The following TMEM266 variants were observed in gnomAD, a reference collection of about 807,000 sequenced individuals.
TMEM266 encodes the protein Hv1 related protein 1.
A neutral mutation model predicts 50.5 loss-of-function variants in TMEM266; 33 were observed. The ratio of observed to expected loss-of-function variants is 0.65; its 90% confidence interval spans 0.50 to 0.87. The LOEUF (loss-of-function observed/expected upper bound fraction) is 0.87, where lower values mean the gene tolerates loss of function less well. Ranked by LOEUF, TMEM266 falls within the 40% of genes least tolerant of loss-of-function variation. The probability of loss-of-function intolerance (pLI) is 0.00; values close to 1 mark genes in which losing one functional copy is unlikely to be tolerated. For synonymous variants in TMEM266, 310 were observed against 292.3 expected (o/e 1.06, Z -0.62); for missense variants, 655 against 695.1 (o/e 0.94, Z 0.65).
rs376311119 is a variant in TMEM266, at chr15:76,171,001, C to T, written c.522C>T (p.Asp174=). 27 of 1,612,120 alleles carry T rather than the reference C, an allele frequency of 1.7e-5. No homozygotes were observed. Among genetic ancestry groups the T allele is most frequent in the Middle Eastern group, 1.7e-4 (1 of 5,720 alleles). The stretch of plus-strand genomic sequence containing the variant: ...TGGGCCTCCTCTCACAGGTGTTTGA[C>T]GGGGCTGTGATCATCCTATCTTTGG... The change falls in exon 7 of 11, where the codon GAC becomes GAT. Residue 174 remains aspartate, a synonymous_variant. Transcript: ENST00000388942.
intron 1 of TMEM266, among the ~76,000 whole-genome samples, chr15:76,106,815 A>G (rs2037087492): frequency 6.6e-6 from 1 of 152,196 alleles, no homozygotes; most frequent in African/African-American, 2.4e-5. Context: ...ATATGCATTT[A>G]CCTCACATAC....
intron 1 of TMEM266, among the ~76,000 whole-genome samples, chr15:76,102,620 C>T (rs559521224): frequency 6.6e-6 from 1 of 152,130 alleles, no homozygotes; most frequent in South Asian, 2.1e-4. Flanking sequence ...GGGTGGATCA[C>T]CTGAGGTCAG....
chr15:76,060,073 C>T (rs1182186913), intron 1 of TMEM266, 57 bp downstream of exon 1: 3 of 145,218 alleles, frequency 2.1e-5, no homozygotes, highest in African/African-American at 7.8e-5. Flanking sequence ...CTGCCCGAGT[C>T]TTGTGGTCGG....
intron 1 of TMEM266, among the ~76,000 whole-genome samples, chr15:76,060,363 G>C (rs569642002): frequency 8.6e-5 from 13 of 151,680 alleles, no homozygotes; most frequent in African/African-American, 1.7e-4. Context: ...AAGCTGGAGG[G>C]GGGGGTTGCT....
chr15:76,060,427 A>G (rs1438104621), intron 1 of TMEM266, among the ~76,000 whole-genome samples: 5 of 151,994 alleles, frequency 3.3e-5, no homozygotes, highest in Non-Finnish European at 7.4e-5. Context: ...TTCGGTTTTC[A>G]GACGTGGTAT....
In TMEM266 at chr15:76,172,460, G is replaced by A. The variant is rs532839359; in HGVS notation, c.652+1329G>A. Among the ~76,000 whole-genome samples, 12 of 152,346 alleles carry A rather than the reference G, an allele frequency of 7.9e-5. No individual in the cohort carries two copies. The East Asian group carries it at 1.4e-3, about 17-fold the overall frequency. ...AGAATATTCCGCCAGCATTTGCCAC[G>A]CAGGTGCAAGGCAGAAGCTGTCACC... On this transcript the variant is annotated intron_variant, in intron 7 of 10. Transcript: ENST00000388942.
intron 7 of TMEM266, among the ~76,000 whole-genome samples, chr15:76,174,431 A>C (rs1031534789): frequency 3.9e-5 from 6 of 152,054 alleles, no homozygotes; most frequent in Non-Finnish European, 8.8e-5. Context: ...GGTGCCTGTA[A>C]TCCCAGCTGC....
chr15:76,074,426 A>C (rs1426231230), intron 1 of TMEM266, among the ~76,000 whole-genome samples: 3 of 151,692 alleles, frequency 2.0e-5, no homozygotes, highest in Admixed American at 6.6e-5. Flanking sequence ...TAAACACAAA[A>C]ACTCTACTCC....
At chr15:76,112,771 C>A (rs190496088) in intron 1 of TMEM266, 38 of 152,256 alleles carry the variant, frequency 2.5e-4, no homozygotes, top group Non-Finnish European at 4.6e-4. Flanking sequence ...TGAGAGATTT[C>A]TTTCTTAATT....
intron 1 of TMEM266, among the ~76,000 whole-genome samples, chr15:76,087,797 G>A (rs2036796151): frequency 6.6e-6 from 1 of 152,148 alleles, no homozygotes; most frequent in Non-Finnish European, 1.5e-5. Context: ...ACAAATGTGA[G>A]GGGCTGATGT....
At chr15:76,167,961 C>A (rs967977936) in intron 5 of TMEM266, among the ~76,000 whole-genome samples, 8 of 152,112 alleles carry the variant, frequency 5.3e-5, no homozygotes, top group Non-Finnish European at 8.8e-5. Context: ...AAGGGCTGGC[C>A]CAGGGTCTGG....
intron 1 of TMEM266, among the ~76,000 whole-genome samples, chr15:76,119,816 A>G (rs1210294466): frequency 1.3e-5 from 2 of 152,144 alleles, no homozygotes; most frequent in African/African-American, 4.8e-5. Flanking sequence ...TGTGATGGGG[A>G]TAGTTCCCAA....
rs1387805134 is a variant in TMEM266 at position 76,161,142 on chromosome 15, G to A, written c.456+974G>A. On this transcript the variant is annotated intron_variant, in intron 5 of 10. Transcript: ENST00000388942. This position sits in a 1 kb window ranked among gnomAD's most constrained non-coding sequence, Gnocchi z 4.1. ...CGGGCCACTGTGTCACTCTACCCTT[G>A]AGTGTCCCATCCCTGCTATGGGTAC... Among the ~76,000 whole-genome samples, 1 of 152,208 alleles carries A rather than the reference G, an allele frequency of 6.6e-6. No homozygotes were observed. The highest frequency in any genetic ancestry group is 2.4e-5 in the African/African-American group (1 of 41,454).
chr15:76,197,141 C>T (rs1199442499), intron 9 of TMEM266, among the ~76,000 whole-genome samples: 1 of 152,188 alleles, frequency 6.6e-6, no homozygotes, highest in Non-Finnish European at 1.5e-5. Flanking sequence ...GAGCTGGCAC[C>T]AGTGCTTGTC....
chr15:76,204,317 G>A lies in TMEM266; in HGVS notation c.*2G>A, dbSNP rs1195128172. On this transcript the variant is annotated 3_prime_UTR_variant, in exon 11 of 11. Coordinates refer to ENST00000388942, the MANE Select transcript of TMEM266 (RefSeq NM_152335.3). ...CTGCACAGGGTCCCTGAGGCCTAGA[G>A]CCTGCCATGGGCTGGGTGAGATGAG... 6.3e-7 allele frequency: 1 copy of A among 1,595,792 alleles called. No individual in the cohort carries two copies. The highest frequency in any genetic ancestry group is 1.3e-5 in the African/African-American group (1 of 74,616).
At chr15:76,108,205 C>T (rs145541237) in intron 1 of TMEM266, among the ~76,000 whole-genome samples, 2,149 of 152,334 alleles carry the variant, frequency 0.014, 27 homozygotes, top group Middle Eastern at 0.024. Context: ...CACGAATCTC[C>T]GAGAGGGTCA....
intron 1 of TMEM266, among the ~76,000 whole-genome samples, chr15:76,083,353 G>T (rs1020052979): frequency 6.6e-5 from 10 of 151,528 alleles, no homozygotes; most frequent in Non-Finnish European, 1.5e-4. Flanking sequence ...CTGCTCCTTG[G>T]TCTCGAGCAA....
chr15:76,161,462 GCTCT>G lies in TMEM266; in HGVS notation c.456+1310_456+1313del, dbSNP rs374927714. On this transcript the variant is annotated intron_variant, in intron 5 of 10. Transcript: ENST00000388942. The surrounding 1 kb of genome is among the most constrained non-coding windows in gnomAD (Gnocchi z 4.1). ...CCCCTCTGGCCTAGCTAATGGCTCTGCTCTCTCTCTCTCTCTCTCCCTAAAAATC... is the reference window on the plus strand; with the variant it reads ...CCCCTCTGGCCTAGCTAATGGCTCTGCTCTCTCTCTCTCTCCCTAAAAATC... Among the ~76,000 whole-genome samples the G allele has an allele frequency of 2.0e-5, 3 of 150,210 alleles. No individual in the cohort carries two copies. The highest frequency in any genetic ancestry group is 3.0e-5 in the Non-Finnish European group (2 of 67,400).
intron 1 of TMEM266, among the ~76,000 whole-genome samples, chr15:76,097,827 G>A (rs2036944279): frequency 6.6e-6 from 1 of 151,622 alleles, no homozygotes; most frequent in Non-Finnish European, 1.5e-5. Flanking sequence ...CTCTAATCTT[G>A]TCTTCTCTCT....
Sources: gnomAD v4.1 joint callset for allele counts (sites outside exome capture counted in the v4.1 genomes callset) on GRCh38, gnomAD v4.1.1 for gene constraint, Gnocchi (gnomAD v3.1) non-coding constraint, MANE v1.5 for transcripts, NCBI Gene and HGNC (gene_info 2026-07-23, HGNC 2026-07-21) for gene names.